Variants in EYS observed in about 807,000 individuals in gnomAD.
The protein encoded by EYS is protein eyes shut homolog.
EYS carries 250 observed loss-of-function variants against 282.1 expected under a neutral mutation model. The observed-to-expected ratio is 0.89, with a 90% confidence interval of 0.80 to 0.98. EYS has a LOEUF of 0.98. EYS is among the 50% of genes least tolerant of loss of function. EYS has a pLI of 0.00. For missense variants in EYS, 4,016 were observed against 3,709.0 expected (o/e 1.08, Z -2.15); for synonymous variants, 1,355 against 1,282.9 (o/e 1.06, Z -1.20).
intron 29 of EYS, among the ~76,000 whole-genome samples, chr6:64,315,287 C>A (rs371656942): frequency 6.6e-6 from 1 of 152,162 alleles, no homozygotes; most frequent in Admixed American, 6.5e-5. Context: ...AGCCTACCAA[C>A]CAAAAACGTC....
chr6:64,336,476 CA>C (rs1770854694), intron 29 of EYS, among the ~76,000 whole-genome samples: 1 of 151,968 alleles, frequency 6.6e-6, no homozygotes, highest in African/African-American at 2.4e-5. Context: ...ATTTATAAAA[CA>C]ATTACTAATA....
At chr6:64,675,379 C>T (rs1385488736) in intron 22 of EYS, among the ~76,000 whole-genome samples, 5 of 150,928 alleles carry the variant, frequency 3.3e-5, no homozygotes, top group Non-Finnish European at 7.4e-5. Context: ...GGTCATATGC[C>T]TGTGATTGCA....
chr6:64,329,399 A>G (rs1268177060), intron 29 of EYS, among the ~76,000 whole-genome samples: 2 of 152,304 alleles, frequency 1.3e-5, no homozygotes, highest in Admixed American at 6.5e-5. Context: ...CTCTAAACCT[A>G]GGTCAAAGAA....
At position 64,062,636 on chromosome 6, in the gene EYS, A is replaced by T. The variant is rs1419775239; in HGVS notation, c.6725+3702T>A. Reference sequence around the variant, plus strand: ...AACCCTGGAGGTGGAGGTTGCAGTGAGCCGAGATCGCACCATTGCACTCCA... The same window carrying T: ...AACCCTGGAGGTGGAGGTTGCAGTGTGCCGAGATCGCACCATTGCACTCCA... On this transcript the variant is annotated intron_variant, in intron 33 of 42. Transcript: ENST00000503581. Among the ~76,000 whole-genome samples the T allele has an allele frequency of 2.0e-5, 3 of 150,142 alleles. No homozygotes were observed. In the East Asian group the frequency reaches 5.9e-4, roughly 30 times the overall value.
At chr6:64,464,355 G>T (rs1699239487) in intron 26 of EYS, among the ~76,000 whole-genome samples, 1 of 152,108 alleles carries the variant, frequency 6.6e-6, no homozygotes, top group South Asian at 2.1e-4. Flanking sequence ...AATGTGAAAA[G>T]TTATAAGCTC....
At chr6:65,349,643 C>G (rs976666140) in intron 9 of EYS, among the ~76,000 whole-genome samples, 2 of 151,310 alleles carry the variant, frequency 1.3e-5, no homozygotes, top group African/African-American at 2.4e-5. Flanking sequence ...TATGCATTAC[C>G]TCATATAGTT....
chr6:64,428,573 T>C (rs1488019364), intron 28 of EYS, among the ~76,000 whole-genome samples: 2 of 152,170 alleles, frequency 1.3e-5, no homozygotes, highest in Non-Finnish European at 2.9e-5. Flanking sequence ...TGGATACCTG[T>C]TGAAGCCTAT....
chr6:64,841,799 G>C (rs1364649250), intron 19 of EYS, among the ~76,000 whole-genome samples: 1 of 151,980 alleles, frequency 6.6e-6, no homozygotes, highest in Non-Finnish European at 1.5e-5. Flanking sequence ...TGTGAATCAG[G>C]GATTTTAGTT....
chr6:64,666,773 A>G (rs1319629389), intron 22 of EYS, among the ~76,000 whole-genome samples: 3 of 152,204 alleles, frequency 2.0e-5, no homozygotes, highest in African/African-American at 7.2e-5. Flanking sequence ...GGAACCTACC[A>G]ATAACCAGTC....
intron 41 of EYS, among the ~76,000 whole-genome samples, chr6:63,727,340 T>C (rs573235953): frequency 6.6e-5 from 10 of 152,092 alleles, no homozygotes; most frequent in Non-Finnish European, 1.3e-4. Context: ...AATCTAGTTA[T>C]TTAGTTTTCT....
chr6:65,430,824 C>A (rs1330357568), intron 5 of EYS, among the ~76,000 whole-genome samples: 1 of 152,138 alleles, frequency 6.6e-6, no homozygotes, highest in Non-Finnish European at 1.5e-5. Context: ...CCAGTCCTGG[C>A]AGCATTCATT....
chr6:64,543,914 C>T (rs1764764406), intron 26 of EYS, among the ~76,000 whole-genome samples: 1 of 152,158 alleles, frequency 6.6e-6, no homozygotes, highest in Admixed American at 6.5e-5. Flanking sequence ...AGTATTCAAA[C>T]TTTATATGCC....
intron 41 of EYS, among the ~76,000 whole-genome samples, chr6:63,735,590 A>C (rs1444443306): frequency 6.6e-6 from 1 of 152,000 alleles, no homozygotes; most frequent in Non-Finnish European, 1.5e-5. Flanking sequence ...ACTTCTAAAC[A>C]TTCTAGTCAA....
chr6:65,145,705 C>T (rs1269254379), intron 12 of EYS, among the ~76,000 whole-genome samples: 1 of 151,994 alleles, frequency 6.6e-6, no homozygotes, highest in East Asian at 1.9e-4. Context: ...TTCAGTAATA[C>T]ACAGTTTGAT....
intron 2 of EYS, among the ~76,000 whole-genome samples, chr6:65,598,668 T>A (rs1410381504): frequency 1.3e-5 from 2 of 152,094 alleles, no homozygotes; most frequent in African/African-American, 4.8e-5. Flanking sequence ...ACATCCTGGT[T>A]TCTGTTCCAT....
At chr6:65,513,036 C>A (rs1380931372) in intron 2 of EYS, among the ~76,000 whole-genome samples, 12 of 152,072 alleles carry the variant, frequency 7.9e-5, no homozygotes, top group Non-Finnish European at 1.6e-4. Context: ...AATTGATAGA[C>A]CGCTAGCAAG....
intron 35 of EYS, among the ~76,000 whole-genome samples, chr6:63,886,639 C>T (rs140695855): frequency 5.5e-4 from 84 of 152,050 alleles, no homozygotes; most frequent in Middle Eastern, 3.4e-3. Flanking sequence ...TTTTTTAGTC[C>T]ATTATCCTTA....
At chr6:64,869,686 G>A (rs1464481404) in intron 19 of EYS, among the ~76,000 whole-genome samples, 1 of 151,574 alleles carries the variant, frequency 6.6e-6, no homozygotes, top group Non-Finnish European at 1.5e-5. Context: ...AGCAGCTCGT[G>A]AACTTGCATG....
At chr6:64,389,758 C>A (rs964709286) in intron 28 of EYS, among the ~76,000 whole-genome samples, 2 of 152,116 alleles carry the variant, frequency 1.3e-5, no homozygotes, top group Non-Finnish European at 1.5e-5. Context: ...AGTACACATT[C>A]TTGGGAGGAG....
Sources: allele counts gnomAD v4.1 joint callset (sites outside exome capture counted in the v4.1 genomes callset), GRCh38; gene constraint gnomAD v4.1.1; transcripts MANE v1.5; gene names NCBI Gene and HGNC (gene_info 2026-07-23, HGNC 2026-07-21).